DTD1: variants seen among roughly 807,000 people sequenced by gnomAD.
The protein encoded by DTD1 is D-aminoacyl-tRNA deacylase 1.
DTD1 carries 13 observed loss-of-function variants against 25.6 expected under a neutral mutation model. The observed-to-expected ratio is 0.51, with a 90% CI of 0.33 to 0.81. The LOEUF (loss-of-function observed/expected upper bound fraction) is 0.81. DTD1 is among the 30% of genes least tolerant of loss of function. The pLI is 0.02. For synonymous variants in DTD1, 110 were observed against 103.6 expected (o/e 1.06, Z -0.37); for missense variants, 193 against 266.4 (o/e 0.72, Z 1.92).
intron 5 of DTD1, among the ~76,000 whole-genome samples, chr20:18,751,779 C>T (rs1048276097): frequency 2.0e-5 from 3 of 152,014 alleles, no homozygotes; most frequent in African/African-American, 7.2e-5. Flanking sequence ...CAGGAGTGAG[C>T]CACCATGGCC....
At chr20:18,637,610 G>A (rs1406840130) in intron 4 of DTD1, among the ~76,000 whole-genome samples, 2 of 152,170 alleles carry the variant, frequency 1.3e-5, no homozygotes. Flanking sequence ...CTGTCGAAGT[G>A]TTAATGGAAC....
intron 5 of DTD1, among the ~76,000 whole-genome samples, chr20:18,748,201 A>G (rs569021062): frequency 1.4e-4 from 21 of 151,696 alleles, no homozygotes; most frequent in Admixed American, 6.6e-5. Context: ...ACACACACAA[A>G]TACAAATTCA....
chr20:18,712,769 A>G (rs892676281), intron 4 of DTD1, among the ~76,000 whole-genome samples: 3 of 152,222 alleles, frequency 2.0e-5, no homozygotes, highest in African/African-American at 7.2e-5. Flanking sequence ...AGCATAGAAC[A>G]ATCATGACCT....
intron 4 of DTD1, among the ~76,000 whole-genome samples, chr20:18,672,994 C>T (rs1021882666): frequency 2.0e-5 from 3 of 152,102 alleles, no homozygotes; most frequent in African/African-American, 4.8e-5. Context: ...CTATGCATGG[C>T]GATACTGAGC....
intron 4 of DTD1, among the ~76,000 whole-genome samples, chr20:18,672,846 G>C (rs987788199): frequency 6.6e-6 from 1 of 152,152 alleles, no homozygotes; most frequent in African/African-American, 2.4e-5. Flanking sequence ...ATTTGGGGCT[G>C]TACCATTATG....
intron 4 of DTD1, among the ~76,000 whole-genome samples, chr20:18,670,655 A>G (rs1233944755): frequency 6.6e-6 from 1 of 152,226 alleles, no homozygotes; most frequent in African/African-American, 2.4e-5. Context: ...TTTACTCAGA[A>G]TAAAGAAGCT....
intron 3 of DTD1, among the ~76,000 whole-genome samples, chr20:18,602,073 G>A (rs1332370075): frequency 2.3e-5 from 3 of 128,434 alleles, no homozygotes; most frequent in African/African-American, 8.7e-5. Flanking sequence ...ACAGAGAAGT[G>A]CTTAAAGGAG....
Position 18,599,310 on chromosome 20 carries a change from G to A in DTD1, c.370+3069G>A, listed in dbSNP as rs182581876. ...CTGCCTCAGCCTTCCGAGTAGCTGG[G>A]ATTACAGGTGCGTGCCACCACACCT... On this transcript the variant is annotated intron_variant, in intron 3 of 5. Coordinates refer to ENST00000377452, the MANE Select transcript of DTD1 (RefSeq NM_080820.6). 7.9e-3 allele frequency among the ~76,000 whole-genome samples: 1,197 copies of A among 152,216 alleles called. 8 individuals are homozygous for A. Among genetic ancestry groups the A allele is most frequent in the Middle Eastern group, 0.014 (4 of 294 alleles).
intron 4 of DTD1, among the ~76,000 whole-genome samples, chr20:18,735,887 AC>A (rs1449986550): frequency 1.3e-5 from 2 of 151,836 alleles, no homozygotes; most frequent in African/African-American, 4.8e-5. Flanking sequence ...GGATTTAAGG[AC>A]TTTTTTGCTT....
chr20:18,735,933 A>C (rs1325856807), intron 4 of DTD1, among the ~76,000 whole-genome samples: 1 of 152,012 alleles, frequency 6.6e-6, no homozygotes, highest in African/African-American at 2.4e-5. Context: ...AAGTATGCAC[A>C]GACTCTTTTT....
chr20:18,694,488 C>G (rs1449342324), intron 4 of DTD1, among the ~76,000 whole-genome samples: 1 of 152,152 alleles, frequency 6.6e-6, no homozygotes, highest in African/African-American at 2.4e-5. Context: ...CCAAAGAAAA[C>G]CTTCTGCTTA....
intron 1 of DTD1, among the ~76,000 whole-genome samples, chr20:18,589,499 G>A (rs1434136962): frequency 6.6e-6 from 1 of 152,190 alleles, no homozygotes; most frequent in Non-Finnish European, 1.5e-5. Context: ...TTTCTAAGCT[G>A]TTCTGGTAGC....
At chr20:18,608,853 T>C (rs2060674068) in intron 3 of DTD1, among the ~76,000 whole-genome samples, 1 of 152,202 alleles carries the variant, frequency 6.6e-6, no homozygotes, top group African/African-American at 2.4e-5. Context: ...AGAACTGTGA[T>C]TCTGTGAAGA....
At chr20:18,645,922 G>C (rs1176688053) in intron 4 of DTD1, among the ~76,000 whole-genome samples, 1 of 152,168 alleles carries the variant, frequency 6.6e-6, no homozygotes, top group Non-Finnish European at 1.5e-5. Context: ...TTAAGATTCT[G>C]GGCATAGTGT....
Position 18,736,287 on chromosome 20 carries a change from C to T in DTD1, c.478-7813C>T, listed in dbSNP as rs574655308. On this transcript the variant is annotated intron_variant, in intron 4 of 5. Coordinates refer to ENST00000377452, the MANE Select transcript of DTD1 (RefSeq NM_080820.6). ...TAAGTGCTGCTGGTTGCAGGCAGCT[C>T]ACCTTGTCTGATTTTCCCCTGGAGT... Among the ~76,000 whole-genome samples the T allele has an allele frequency of 5.9e-5, 9 of 152,208 alleles. No individual in the cohort carries two copies. In the East Asian group the frequency reaches 1.7e-3, roughly 29 times the overall value.
At chr20:18,591,404 C>T (rs2122237172) in intron 1 of DTD1, among the ~76,000 whole-genome samples, 1 of 152,196 alleles carries the variant, frequency 6.6e-6, no homozygotes, top group East Asian at 1.9e-4. Flanking sequence ...AGCCATATGT[C>T]CAGCAAGATG....
chr20:18,730,694 G>A (rs1207262935), intron 4 of DTD1, among the ~76,000 whole-genome samples: 1 of 152,110 alleles, frequency 6.6e-6, no homozygotes, highest in African/African-American at 2.4e-5. Context: ...TCAAGAATTA[G>A]TTTTGGCATT....
At chr20:18,624,903 C>T (rs770598344) in intron 3 of DTD1, among the ~76,000 whole-genome samples, 3 of 152,164 alleles carry the variant, frequency 2.0e-5, no homozygotes, top group Non-Finnish European at 4.4e-5. Flanking sequence ...CATTTACCGT[C>T]GTAATGTTTG....
chr20:18,683,076 G>A (rs1249188873), intron 4 of DTD1, among the ~76,000 whole-genome samples: 1 of 152,204 alleles, frequency 6.6e-6, no homozygotes, highest in African/African-American at 2.4e-5. Flanking sequence ...CGGTTGTGGT[G>A]TAATGGACTT....
Sources: allele counts gnomAD v4.1 joint callset (sites outside exome capture counted in the v4.1 genomes callset), GRCh38; gene constraint gnomAD v4.1.1; transcripts MANE v1.5; gene names NCBI Gene and HGNC (gene_info 2026-07-23, HGNC 2026-07-21).